The following FHL1 variants were observed in gnomAD, a reference collection of about 807,000 sequenced individuals.
FHL1 encodes four and a half LIM domains protein 1.
In FHL1, 1 loss-of-function variant was observed where a neutral mutation model predicts 20.3. That is an observed-to-expected ratio of 0.05 (90% CI 0.02 to 0.23). FHL1 has a LOEUF of 0.23. FHL1 is among the 10% of genes least tolerant of loss of function. The pLI is 1.00. For synonymous variants in FHL1, 82 were observed against 88.9 expected, an observed-to-expected ratio of 0.92 and a Z score of 0.44; for missense variants, 177 against 234.0, an observed-to-expected ratio of 0.76 and a Z score of 1.59.
At chrX:136,151,469 TG>T (rs1199692885) in intron 1 of FHL1, among the ~76,000 whole-genome samples, 1 of 112,467 alleles carries the variant, frequency 8.9e-6, no homozygotes, top group Non-Finnish European at 1.9e-5. Flanking sequence ...CCCAGTACTT[TG>T]GGAGGCTGAG....
chrX:136,200,375 C>T (rs1353958758), intron 1 of FHL1, among the ~76,000 whole-genome samples: 1 of 111,743 alleles, frequency 8.9e-6, no homozygotes, highest in Non-Finnish European at 1.9e-5. Context: ...TTTTTAAAAT[C>T]AGGAAATAGT....
rs141231353 is a variant in FHL1 at position 136,209,920 on chromosome X, C to T, written c.786C>T (p.His262=). The T allele has an allele frequency of 1.3e-4, 158 of 1,208,617 alleles. No homozygotes were observed. The African/African-American group carries it at 2.3e-3, about 18-fold the overall frequency. The change falls in exon 6 of 6, where the codon CAC becomes CAT. Residue 262 remains histidine (H), a synonymous_variant. Transcript: ENST00000370683. ...SVVAYEGQSW[H]DYCFHCKKCS... is the part of the protein sequence containing the mutation. Reference sequence around the variant, plus strand: ...TGGCCTATGAAGGACAATCCTGGCACGACTACTGCTTCCACTGCAAAAAAT... The same window carrying T: ...TGGCCTATGAAGGACAATCCTGGCATGACTACTGCTTCCACTGCAAAAAAT...
At chrX:136,158,987 T>C (rs2072493980) in intron 1 of FHL1, among the ~76,000 whole-genome samples, 1 of 110,623 alleles carries the variant, frequency 9.0e-6, no homozygotes, top group Non-Finnish European at 1.9e-5. Context: ...CTTTAGTTCA[T>C]TATAATGTAT....
At chrX:136,188,460 G>C (rs1420855075) in intron 2 of FHL1, among the ~76,000 whole-genome samples, 1 of 111,218 alleles carries the variant, frequency 9.0e-6, no homozygotes, top group Admixed American at 9.6e-5. Context: ...TGAGGCACAG[G>C]GTTTAGGGAG....
Position 136,210,226 on chromosome X carries a change from C to A in FHL1, c.*201C>A. 3.5e-6 allele frequency: 2 copies of A among 569,753 alleles called. No homozygotes were observed. Among genetic ancestry groups the A allele is most frequent in the Non-Finnish European group, 5.9e-6 (2 of 339,277 alleles). 47.0% of individuals were successfully genotyped at this position (569,753 alleles called of 1,213,427 possible). A position where few individuals can be genotyped will look rare whatever the true frequency, so the allele number is the denominator to read the frequency against. ...TAGCATTTAGCAAAAAGCAACCCTG[C>A]AGCAAAGTGAATTTCTGTCCGGCTG... On this transcript the variant is annotated 3_prime_UTR_variant, in exon 6 of 6. Transcript: ENST00000370683.
chrX:136,173,028 C>T (rs1016916845), intron 2 of FHL1, among the ~76,000 whole-genome samples: 9 of 112,681 alleles, frequency 8.0e-5, no homozygotes, highest in Middle Eastern at 4.2e-3. Context: ...CCACCATGCC[C>T]GGCCTATTTT....
chrX:136,195,495 A>G, upstream of FHL1, among the ~76,000 whole-genome samples: 1 of 112,558 alleles, frequency 8.9e-6, no homozygotes, highest in Non-Finnish European at 1.9e-5. Context: ...GAAAGAGACT[A>G]GAAAGGCGTG....
intron 2 of FHL1, among the ~76,000 whole-genome samples, chrX:136,173,191 C>T (rs956633711): frequency 2.2e-4 from 25 of 112,810 alleles, no homozygotes; most frequent in Non-Finnish European, 2.8e-4. Context: ...TTAACACATA[C>T]GTGAACTGGG....
chrX:136,207,992 G>A (rs771304662), intron 4 of FHL1, 31 bp downstream of exon 4: 5 of 1,205,161 alleles, frequency 4.1e-6, no homozygotes, highest in East Asian at 3.0e-5. Flanking sequence ...TGCATTGACC[G>A]TTGTTTCTAG....
chrX:136,193,900 C>A (rs1179951100), upstream of FHL1, among the ~76,000 whole-genome samples: 1 of 110,272 alleles, frequency 9.1e-6, no homozygotes, highest in African/African-American at 3.3e-5. Context: ...GCTTTCCCTC[C>A]TCTCTAGCTT....
upstream of FHL1, among the ~76,000 whole-genome samples, chrX:136,193,315 A>G (rs1418586327): frequency 1.8e-5 from 2 of 112,052 alleles, no homozygotes; most frequent in Admixed American, 1.9e-4. Flanking sequence ...TAAGTGGGTC[A>G]CTGAATTTGC....
At chrX:136,171,744 A>G (rs2072872935) in intron 2 of FHL1, among the ~76,000 whole-genome samples, 1 of 112,425 alleles carries the variant, frequency 8.9e-6, no homozygotes, top group Admixed American at 9.4e-5. Context: ...TATGATACCA[A>G]GCACACCCCA....
At chrX:136,168,547 C>T (rs1027642496), upstream of FHL1, among the ~76,000 whole-genome samples, 2 of 111,358 alleles carry the variant, frequency 1.8e-5, no homozygotes, top group Non-Finnish European at 3.8e-5. Context: ...TGAATTAAGT[C>T]ACTTTAAAAC....
intron 1 of FHL1, among the ~76,000 whole-genome samples, chrX:136,199,554 A>G (rs1489222301): frequency 1.8e-5 from 2 of 112,500 alleles, no homozygotes; most frequent in Admixed American, 9.4e-5. Context: ...TAGCATGTCT[A>G]TTACACAAGT....
intron 2 of FHL1, among the ~76,000 whole-genome samples, chrX:136,181,701 T>G (rs1379868006): frequency 1.8e-5 from 2 of 112,225 alleles, no homozygotes; most frequent in Admixed American, 9.5e-5. Flanking sequence ...TGCAGTCAGT[T>G]TTTAAAGGTT....
At chrX:136,197,634 C>T (rs1353369670) in intron 1 of FHL1, among the ~76,000 whole-genome samples, 2 of 112,805 alleles carry the variant, frequency 1.8e-5, no homozygotes, top group Non-Finnish European at 3.7e-5. Context: ...CCCGAAGTAA[C>T]AGCTATGTTC....
upstream of FHL1, chrX:136,146,985 G>A (rs62603116): frequency 3.1e-6 from 1 of 321,406 alleles, no homozygotes; most frequent in Non-Finnish European, 6.0e-6. Context: ...GGGCCCCGAA[G>A]CGGGGCCGCT....
In FHL1 at chrX:136,209,415, T is replaced by A. The variant is rs775440569; in HGVS notation, c.737-456T>A. ...GGGTGGTGGTTCTTTATAGAAAAAA[T>A]CGAAGCTTAGCAGCTCCTCGAGGCC... On this transcript the variant is annotated intron_variant, in intron 5 of 5. Coordinates refer to ENST00000370683, the MANE Select transcript of FHL1 (RefSeq NM_001159699.2). The A allele has an allele frequency of 2.5e-6, 3 of 1,208,227 alleles. No individual in the cohort carries two copies. In the African/African-American group the frequency reaches 5.3e-5, roughly 21 times the overall value.
intron 2 of FHL1, among the ~76,000 whole-genome samples, chrX:136,186,863 AAAATATAT>A (rs1489249637): frequency 2.2e-4 from 2 of 9,295 alleles, no homozygotes; most frequent in African/African-American, 2.8e-4. Flanking sequence ...CAAAAAAAAA[AAAATATAT>A]ATATATATAT....
Sources: allele counts gnomAD v4.1 joint callset (sites outside exome capture counted in the v4.1 genomes callset), GRCh38; gene constraint gnomAD v4.1.1; transcripts MANE v1.5; gene names NCBI Gene and HGNC (gene_info 2026-07-23, HGNC 2026-07-21).